The following FER1L6 variants were observed in gnomAD, a reference collection of about 807,000 sequenced individuals.
The protein encoded by FER1L6 is fer-1 like family member 6, also known as fer-1-like protein 6.
FER1L6 carries 177 observed loss-of-function variants against 219.2 expected under a neutral mutation model. The ratio of observed to expected loss-of-function variants is 0.81; its 90% CI spans 0.71 to 0.91. The LOEUF is 0.91. Among genes scored for constraint, FER1L6 ranks in the 40% least tolerant of loss-of-function variants. FER1L6 has a pLI of 0.00. For synonymous variants in FER1L6, 768 were observed against 824.3 expected (o/e 0.93, Z 1.17); for missense variants, 2,153 against 2,259.9 (o/e 0.95, Z 0.96).
At chr8:124,032,218 A>G (rs1050028731) in intron 18 of FER1L6, among the ~76,000 whole-genome samples, 1 of 151,978 alleles carries the variant, frequency 6.6e-6, no homozygotes, top group African/African-American at 2.4e-5. Context: ...TGAGGTCAGG[A>G]GCTCAAGACC....
rs557581280 is a variant in FER1L6, at chr8:123,970,172, C to G, written c.447+75C>G. On this transcript the variant is annotated intron_variant, in intron 6 of 40. Coordinates refer to ENST00000522917, the MANE Select transcript of FER1L6 (RefSeq NM_001039112.2). The stretch of plus-strand genomic sequence containing the variant: ...GGGCATTGGGGACTCTCTGGGACAA[C>G]TCAGCATACTTAGCGGGGAATAGAT... 51 of 1,284,212 alleles carry G rather than the reference C, an allele frequency of 4.0e-5. No individual in the cohort carries two copies. The African/African-American group carries it at 6.9e-4, about 17-fold the overall frequency. The allele number at this position is 1,284,212 out of a possible 1,614,324, so 79.6% of individuals were successfully genotyped here.
chr8:123,865,608 G>A (rs1170247395), intron 1 of FER1L6, among the ~76,000 whole-genome samples: 4 of 151,304 alleles, frequency 2.6e-5, no homozygotes, highest in Non-Finnish European at 5.9e-5. Flanking sequence ...TTTGATCTCA[G>A]ACCGCTGTGC....
intron 1 of FER1L6, among the ~76,000 whole-genome samples, chr8:123,907,526 C>A (rs559794281): frequency 2.0e-5 from 3 of 151,928 alleles, no homozygotes; most frequent in African/African-American, 7.2e-5. Flanking sequence ...TGTCCAATAA[C>A]CTTTGTTGGA....
At chr8:123,854,878 G>C (rs182747235) in intron 1 of FER1L6, among the ~76,000 whole-genome samples, 1 of 152,102 alleles carries the variant, frequency 6.6e-6, no homozygotes, top group African/African-American at 2.4e-5. Flanking sequence ...AATCTGTCTC[G>C]TATCCTAGTT....
At chr8:124,019,364 C>T (rs925211839) in intron 16 of FER1L6, among the ~76,000 whole-genome samples, 2 of 152,184 alleles carry the variant, frequency 1.3e-5, no homozygotes, top group African/African-American at 4.8e-5. Flanking sequence ...ACCAGCTTTG[C>T]CCCTGTCTAG....
At chr8:123,899,283 G>C (rs1201989873) in intron 1 of FER1L6, among the ~76,000 whole-genome samples, 1 of 152,036 alleles carries the variant, frequency 6.6e-6, no homozygotes, top group Admixed American at 6.6e-5. Flanking sequence ...TCATGTGTTT[G>C]TTGGCCATTT....
At chr8:124,060,832 A>C in intron 24 of FER1L6, 123 bp downstream of exon 24, 1 of 1,109,842 alleles carries the variant, frequency 9.0e-7, no homozygotes, top group Non-Finnish European at 1.3e-6. Context: ...CCAGAATTTC[A>C]GAATGAGATA....
intron 12 of FER1L6, among the ~76,000 whole-genome samples, chr8:124,002,394 G>A (rs1817453401): frequency 6.6e-6 from 1 of 152,210 alleles, no homozygotes; most frequent in African/African-American, 2.4e-5. Flanking sequence ...GGCTTCCCAA[G>A]TTAAGAGGTC....
At chr8:123,868,135 T>C (rs943587547) in intron 1 of FER1L6, among the ~76,000 whole-genome samples, 1 of 152,160 alleles carries the variant, frequency 6.6e-6, no homozygotes, top group African/African-American at 2.4e-5. Context: ...CCCTCATTTA[T>C]TGGATGGGAA....
chr8:123,855,681 A>G lies in FER1L6; in HGVS notation c.-8+3496A>G, dbSNP rs72717147. On this transcript the variant is annotated intron_variant, in intron 1 of 40. Coordinates refer to ENST00000522917, the MANE Select transcript of FER1L6 (RefSeq NM_001039112.2). ...AGGAGACTTTTAAAGTGAAAACCAT[A>G]TGTGTGTGTGTGTGTGTGTGTATAT... Among the ~76,000 whole-genome samples, 628 of 97,534 alleles carry G rather than the reference A, an allele frequency of 6.4e-3. 2 individuals are homozygous for G. The highest frequency in any genetic ancestry group is 0.017 in the East Asian group (30 of 1,814). 64.0% of individuals were successfully genotyped at this position (97,534 alleles called of 152,430 possible).
chr8:123,857,350 T>A (rs1816666166), intron 1 of FER1L6, among the ~76,000 whole-genome samples: 1 of 152,066 alleles, frequency 6.6e-6, no homozygotes, highest in African/African-American at 2.4e-5. Context: ...TACAAAAAAA[T>A]TTTTTAAAAA....
At chr8:123,924,009 C>T (rs1025206646) in intron 1 of FER1L6, among the ~76,000 whole-genome samples, 1 of 150,134 alleles carries the variant, frequency 6.7e-6, no homozygotes, top group Non-Finnish European at 1.5e-5. Context: ...AATCCCAGCA[C>T]TTTGGGAGGC....
intron 25 of FER1L6, among the ~76,000 whole-genome samples, chr8:124,062,950 T>C (rs917845393): frequency 3.9e-5 from 6 of 152,254 alleles, no homozygotes; most frequent in Non-Finnish European, 7.3e-5. Context: ...CACCTGCTAT[T>C]ATCCAACTTT....
At chr8:123,906,279 G>T (rs1812951477) in intron 1 of FER1L6, among the ~76,000 whole-genome samples, 1 of 152,136 alleles carries the variant, frequency 6.6e-6, no homozygotes. Flanking sequence ...ACCTCTAGGG[G>T]TATGGTGTAG....
chr8:123,898,289 T>G (rs1399719798), intron 1 of FER1L6, among the ~76,000 whole-genome samples: 1 of 151,992 alleles, frequency 6.6e-6, no homozygotes, highest in African/African-American at 2.4e-5. Context: ...AGTTGAAAAT[T>G]TTAATGTTTT....
chr8:123,975,199 C>G lies in FER1L6; in HGVS notation c.576C>G (p.Ile192Met). 1 of 1,612,292 alleles carries G rather than the reference C, an allele frequency of 6.2e-7. No homozygotes were observed. Among genetic ancestry groups the G allele is most frequent in the Non-Finnish European group, 8.5e-7 (1 of 1,179,538 alleles). Residue 192 changes from isoleucine (I) to methionine (M), a missense_variant, in exon 8 of 41, where the codon ATC (isoleucine) becomes ATG (methionine). Ile to Met is a conservative substitution (Grantham distance 10). Coordinates refer to ENST00000522917, the MANE Select transcript of FER1L6 (RefSeq NM_001039112.2). ...CCCTGCTCACAGACCCTGGTGACAT[C>G]AGGACTGGCACCAAGGGGTACCTGA... is the stretch of plus-strand genomic sequence containing the variant. ...KWALLTDPGD[I>M]RTGTKGYLKC...
intron 12 of FER1L6, among the ~76,000 whole-genome samples, chr8:123,994,250 G>A (rs7834805): frequency 0.054 from 8,174 of 152,180 alleles, 524 homozygotes; most frequent in African/African-American, 0.16. Context: ...TTTGTGTTAT[G>A]TTATCAGTGT....
rs762348097 is a variant in FER1L6, at chr8:124,060,309, G to A, written c.2985+19G>A. The stretch of plus-strand genomic sequence containing the variant: ...AGTGGAGGTACGGGTCAGCGGAGGA[G>A]CTGAGTTGTTCTTTGGCACTCAAGG... On this transcript the variant is annotated intron_variant, in intron 23 of 40. Coordinates refer to ENST00000522917, the MANE Select transcript of FER1L6 (RefSeq NM_001039112.2). The A allele has an allele frequency of 6.2e-7, 1 of 1,611,722 alleles. No homozygotes were observed. The highest frequency in any genetic ancestry group is 1.3e-5 in the African/African-American group (1 of 75,008).
Position 124,044,200 on chromosome 8 carries a change from TA to T in FER1L6, c.2590-1562del, listed in dbSNP as rs201646679. On this transcript the variant is annotated intron_variant, in intron 20 of 40. Transcript: ENST00000522917. ...CACATTTCTATTTTGAAAAGCATCATAAAAACACGGTTCTTTGTGATGTCAC... is the reference window on the plus strand; with the variant it reads ...CACATTTCTATTTTGAAAAGCATCATAAAACACGGTTCTTTGTGATGTCAC... Among the ~76,000 whole-genome samples the T allele has an allele frequency of 4.7e-3, 711 of 152,354 alleles. 5 individuals carry two copies. Among genetic ancestry groups the T allele is most frequent in the African/African-American group, 0.017 (687 of 41,582 alleles).
Sources: allele counts gnomAD v4.1 joint callset (sites outside exome capture counted in the v4.1 genomes callset), GRCh38; gene constraint gnomAD v4.1.1; transcripts MANE v1.5; gene names NCBI Gene and HGNC (gene_info 2026-07-23, HGNC 2026-07-21).